Variants in OSBPL9 observed in about 807,000 individuals in gnomAD.
The protein encoded by OSBPL9 is oxysterol binding protein like 9.
A neutral mutation model predicts 106.6 loss-of-function variants in OSBPL9; 40 were observed. That is an observed-to-expected ratio of 0.38 (90% CI 0.29 to 0.49). The LOEUF is 0.49. Ranked by LOEUF, OSBPL9 falls within the 20% of genes least tolerant of loss-of-function variation. The pLI, the probability that OSBPL9 is intolerant of heterozygous loss-of-function variation, is 0.97. For synonymous variants in OSBPL9, 269 were observed against 295.4 expected (o/e 0.91, Z 0.92); for missense variants, 609 against 887.2 (o/e 0.69, Z 3.98).
At chr1:51,753,392 G>A (rs1209675597) in intron 8 of OSBPL9, among the ~76,000 whole-genome samples, 1 of 152,052 alleles carries the variant, frequency 6.6e-6, no homozygotes, top group East Asian at 1.9e-4. Flanking sequence ...GATGCTCTTG[G>A]TAGCTGGCAT....
In OSBPL9 at chr1:51,781,165, A is replaced by G; in HGVS notation, c.1258A>G (p.Ile420Val). 1 of 1,613,890 alleles carries G rather than the reference A, an allele frequency of 6.2e-7. No individual in the cohort carries two copies. The highest frequency in any genetic ancestry group is 8.5e-7 in the Non-Finnish European group (1 of 1,179,870). The part of the protein sequence containing the change: ...FFAHPDLFVS[I>V]SDQKDPKDRM... ...AAATTTTGTCTTTCTCCCTTGCAGC[A>G]TTAGTGACCAGAAGGATCCCAAGGA... The change falls in exon 16 of 24, where the codon ATT becomes GTT. Residue 420 changes from isoleucine (I) to valine (V), a missense_variant and splice_region_variant. Coordinates refer to ENST00000428468, the MANE Select transcript of OSBPL9 (RefSeq NM_024586.6).
intron 7 of OSBPL9, chr1:51,749,714 A>G (rs1345519079): frequency 9.8e-6 from 2 of 204,320 alleles, no homozygotes; most frequent in East Asian, 2.3e-4. Flanking sequence ...TTGAAAAACC[A>G]TTTAGAGCCA....
chr1:51,590,993 A>G (rs1376796886), intron 1 of OSBPL9, among the ~76,000 whole-genome samples: 1 of 144,260 alleles, frequency 6.9e-6, no homozygotes, highest in African/African-American at 2.6e-5. Context: ...ATCTCTGCTC[A>G]CTGCAAGTTC....
the OSBPL9 span, among the ~76,000 whole-genome samples, chr1:51,571,080 C>T: frequency 1.3e-5 from 2 of 152,162 alleles, no homozygotes; most frequent in Non-Finnish European, 2.9e-5. Flanking sequence ...CCGGCTGGGT[C>T]CTTCCTTATG....
chr1:51,656,832 A>AT (rs561699669), intron 2 of OSBPL9, among the ~76,000 whole-genome samples: 19,871 of 145,090 alleles, frequency 0.14, 1,402 homozygotes, highest in Middle Eastern at 0.24. Context: ...GCTAATTAAA[A>AT]TTTTTTTTTT....
At chr1:51,636,102 G>GTGTA (rs1411744096) in intron 1 of OSBPL9, among the ~76,000 whole-genome samples, 1 of 148,088 alleles carries the variant, frequency 6.8e-6, no homozygotes, top group African/African-American at 2.5e-5. Context: ...GTGTGTGTGT[G>GTGTA]TGTGTATCCT....
At chr1:51,596,075 G>A in intron 1 of OSBPL9, among the ~76,000 whole-genome samples, 1 of 151,838 alleles carries the variant, frequency 6.6e-6, no homozygotes, top group African/African-American at 2.4e-5. Context: ...TGGCCAACAT[G>A]GTGAAACCCC....
chr1:51,736,334 G>A (rs1665686408), intron 4 of OSBPL9, among the ~76,000 whole-genome samples: 1 of 152,066 alleles, frequency 6.6e-6, no homozygotes, highest in Non-Finnish European at 1.5e-5. Context: ...GACAGCTTTG[G>A]CATATATAAT....
chr1:51,749,638 G>A (rs1169228335), intron 7 of OSBPL9: 3 of 206,272 alleles, frequency 1.5e-5, no homozygotes, highest in Non-Finnish European at 3.2e-5. Flanking sequence ...GATTTCTTAG[G>A]GTTGCTTGCT....
intron 1 of OSBPL9, among the ~76,000 whole-genome samples, chr1:51,640,054 A>G (rs1313000152): frequency 6.6e-6 from 1 of 151,900 alleles, no homozygotes; most frequent in East Asian, 1.9e-4. Context: ...CTGGTCTCAA[A>G]TTCCTGAGCT....
intron 1 of OSBPL9, among the ~76,000 whole-genome samples, chr1:51,647,947 C>A (rs894076764): frequency 3.3e-5 from 5 of 152,028 alleles, no homozygotes; most frequent in Non-Finnish European, 7.4e-5. Flanking sequence ...CATATCAGTT[C>A]GATATTCCCA....
At chr1:51,523,082 C>T in the OSBPL9 span, among the ~76,000 whole-genome samples, 1 of 151,818 alleles carries the variant, frequency 6.6e-6, no homozygotes, top group Non-Finnish European at 1.5e-5. Context: ...CATAGTGAGA[C>T]CTCGTCTCTA....
chr1:51,767,102 C>G (rs1336683643), intron 12 of OSBPL9, among the ~76,000 whole-genome samples: 41 of 151,574 alleles, frequency 2.7e-4, no homozygotes, highest in Admixed American at 2.7e-3. Flanking sequence ...ACAACAAAAA[C>G]AGTTTAGGGA....
the OSBPL9 span, among the ~76,000 whole-genome samples, chr1:51,534,711 A>G: frequency 3.9e-4 from 59 of 152,342 alleles, 1 homozygote; most frequent in African/African-American, 1.4e-3. Flanking sequence ...CGCTTTTTGC[A>G]AGTGACGTTT....
chr1:51,676,977 A>G (rs1651403267), intron 3 of OSBPL9, among the ~76,000 whole-genome samples: 1 of 152,224 alleles, frequency 6.6e-6, no homozygotes, highest in Non-Finnish European at 1.5e-5. Flanking sequence ...TACTTACATA[A>G]TTCCTAAATT....
intron 3 of OSBPL9, among the ~76,000 whole-genome samples, chr1:51,712,372 C>T (rs915233877): frequency 6.6e-6 from 1 of 152,176 alleles, no homozygotes; most frequent in Non-Finnish European, 1.5e-5. Context: ...GCTTCGGCTC[C>T]ACATGAGAGG....
intron 2 of OSBPL9, among the ~76,000 whole-genome samples, chr1:51,604,697 A>G (rs984152098): frequency 6.6e-6 from 1 of 152,134 alleles, no homozygotes; most frequent in Non-Finnish European, 1.5e-5. Context: ...TCTTTCTCCC[A>G]GGCAGGAGTA....
chr1:51,663,191 T>C (rs1278995150), intron 2 of OSBPL9, among the ~76,000 whole-genome samples: 1 of 152,156 alleles, frequency 6.6e-6, no homozygotes. Context: ...CAGGAAATGA[T>C]AAAACATTAT....
chr1:51,761,973 T>C lies in OSBPL9; in HGVS notation c.778+2T>C. On this transcript the variant is annotated splice_donor_variant, in intron 11 of 23. Coordinates refer to ENST00000428468, the MANE Select transcript of OSBPL9 (RefSeq NM_024586.6). LOFTEE classifies it high-confidence loss of function. ...AGACTCCTACACCAAATAGTACAGGTACAGATTTGCATAATTTCTTTATGT... is the reference window on the plus strand; with the variant it reads ...AGACTCCTACACCAAATAGTACAGGCACAGATTTGCATAATTTCTTTATGT... The C allele has an allele frequency of 6.3e-7, 1 of 1,583,600 alleles. No individual in the cohort carries two copies. The highest frequency in any genetic ancestry group is 8.7e-7 in the Non-Finnish European group (1 of 1,152,396).
Sources: gnomAD v4.1 joint callset for allele counts (sites outside exome capture counted in the v4.1 genomes callset) on GRCh38, gnomAD v4.1.1 for gene constraint, MANE v1.5 for transcripts, NCBI Gene and HGNC (gene_info 2026-07-23, HGNC 2026-07-21) for gene names.